The following KCNQ5 variants were observed in gnomAD, a reference collection of about 807,000 sequenced individuals.
The protein encoded by KCNQ5 is potassium voltage-gated channel subfamily KQT member 5.
KCNQ5 carries 30 observed loss-of-function variants against 98.2 expected under a neutral mutation model. That is an observed-to-expected ratio of 0.31 (90% CI 0.23 to 0.41). The LOEUF is 0.41. KCNQ5 is among the 10% of genes least tolerant of loss of function. The pLI is 1.00. For missense variants in KCNQ5, 835 were observed against 1,182.5 expected (o/e 0.71, Z 4.31); for synonymous variants, 458 against 449.4 (o/e 1.02, Z -0.24).
chr6:73,160,241 C>A (rs1451287252), intron 10 of KCNQ5, among the ~76,000 whole-genome samples: 1 of 152,012 alleles, frequency 6.6e-6, no homozygotes, highest in Non-Finnish European at 1.5e-5. Context: ...TGGTCTCGAT[C>A]TCCTGACGTC....
intron 1 of KCNQ5, among the ~76,000 whole-genome samples, chr6:72,964,772 T>C (rs1052327051): frequency 1.3e-5 from 2 of 152,180 alleles, no homozygotes; most frequent in African/African-American, 4.8e-5. Flanking sequence ...TATGGCACCT[T>C]TGTGGCCCTT....
chr6:72,898,971 C>T (rs1432124962), intron 1 of KCNQ5, among the ~76,000 whole-genome samples: 2 of 152,120 alleles, frequency 1.3e-5, no homozygotes, highest in Non-Finnish European at 2.9e-5. Flanking sequence ...GCATAAATGC[C>T]TTCTTTTGAG....
chr6:72,829,248 C>T (rs1272765862), intron 1 of KCNQ5, among the ~76,000 whole-genome samples: 1 of 152,100 alleles, frequency 6.6e-6, no homozygotes, highest in African/African-American at 2.4e-5. Flanking sequence ...GTGCTCATTT[C>T]TGTATGTTCT....
chr6:72,839,846 C>T (rs546275567), intron 1 of KCNQ5, among the ~76,000 whole-genome samples: 39 of 152,226 alleles, frequency 2.6e-4, no homozygotes, highest in African/African-American at 9.2e-4. Flanking sequence ...TATAATACAA[C>T]ACATTATTAG....
chr6:73,182,546 A>T (rs1778439123), intron 11 of KCNQ5, among the ~76,000 whole-genome samples: 1 of 152,190 alleles, frequency 6.6e-6, no homozygotes, highest in Non-Finnish European at 1.5e-5. Flanking sequence ...TCCTGTAGTT[A>T]AAGCCCTTAG....
intron 11 of KCNQ5, among the ~76,000 whole-genome samples, chr6:73,177,325 G>A (rs1490426420): frequency 1.3e-5 from 2 of 152,190 alleles, no homozygotes; most frequent in Non-Finnish European, 2.9e-5. Context: ...AACTAGCAAA[G>A]GCTCATCAAC....
chr6:73,173,055 T>C (rs184001412), intron 11 of KCNQ5, among the ~76,000 whole-genome samples: 17 of 152,338 alleles, frequency 1.1e-4, no homozygotes, highest in Non-Finnish European at 2.2e-4. Flanking sequence ...TGACACTTTT[T>C]AAAAAATAAA....
intron 1 of KCNQ5, among the ~76,000 whole-genome samples, chr6:72,731,110 C>A (rs187841018): frequency 6.6e-6 from 1 of 152,290 alleles, no homozygotes; most frequent in East Asian, 1.9e-4. Context: ...CCTGGCTCTA[C>A]CTCCAAATTC....
At chr6:72,998,511 G>A (rs138345261) in intron 1 of KCNQ5, among the ~76,000 whole-genome samples, 1,886 of 152,060 alleles carry the variant, frequency 0.012, 16 homozygotes, top group Non-Finnish European at 0.021. Context: ...CGATGCGGGC[G>A]GATTATGAGG....
intron 1 of KCNQ5, among the ~76,000 whole-genome samples, chr6:72,700,772 A>T (rs1479925325): frequency 2.0e-5 from 3 of 152,206 alleles, no homozygotes; most frequent in Non-Finnish European, 4.4e-5. Flanking sequence ...TAGCACCGGC[A>T]CATTCCCAGC....
intron 3 of KCNQ5, among the ~76,000 whole-genome samples, chr6:73,068,054 G>A (rs2066369): frequency 0.97 from 147,683 of 152,190 alleles, 71,797 homozygotes; most frequent in Middle Eastern, 1. Flanking sequence ...CCAGCACTTT[G>A]GGAGGCCAAG....
intron 10 of KCNQ5, among the ~76,000 whole-genome samples, chr6:73,163,583 C>A (rs1777691377): frequency 6.6e-6 from 1 of 152,038 alleles, no homozygotes; most frequent in African/African-American, 2.4e-5. Flanking sequence ...CCCGTCTCTA[C>A]TAAAAATACA....
intron 13 of KCNQ5, among the ~76,000 whole-genome samples, chr6:73,193,286 C>T (rs1765664533): frequency 6.6e-6 from 1 of 151,546 alleles, no homozygotes; most frequent in Admixed American, 6.6e-5. Context: ...TCCCAAAGTG[C>T]TGAGATTACA....
At chr6:72,785,546 A>G (rs988747301) in intron 1 of KCNQ5, among the ~76,000 whole-genome samples, 1 of 152,048 alleles carries the variant, frequency 6.6e-6, no homozygotes, top group Non-Finnish European at 1.5e-5. Flanking sequence ...GATACTCGGG[A>G]GGCTGAGTCA....
chr6:72,974,916 T>C (rs924393112), intron 1 of KCNQ5, among the ~76,000 whole-genome samples: 1 of 152,088 alleles, frequency 6.6e-6, no homozygotes, highest in African/African-American at 2.4e-5. Flanking sequence ...TTTTGTATTT[T>C]AGTAGAGACA....
chr6:72,836,479 C>A (rs1169863035), intron 1 of KCNQ5, among the ~76,000 whole-genome samples: 13 of 152,076 alleles, frequency 8.5e-5, no homozygotes, highest in African/African-American at 3.1e-4. Context: ...ACTCAATCAC[C>A]CAGGCTCATC....
At chr6:72,902,320 G>T (rs1382298976) in intron 1 of KCNQ5, among the ~76,000 whole-genome samples, 1 of 152,122 alleles carries the variant, frequency 6.6e-6, no homozygotes, top group African/African-American at 2.4e-5. Flanking sequence ...TTAATGATTT[G>T]GATGTTCTTT....
intron 1 of KCNQ5, among the ~76,000 whole-genome samples, chr6:72,852,715 A>C (rs1262365786): frequency 1.7e-5 from 1 of 57,994 alleles, no homozygotes; most frequent in Admixed American, 1.3e-4. Context: ...TTACCTCAAT[A>C]AAAAAAAGAT....
intron 3 of KCNQ5, among the ~76,000 whole-genome samples, chr6:73,053,500 C>T (rs1467261268): frequency 6.6e-6 from 1 of 151,996 alleles, no homozygotes; most frequent in Non-Finnish European, 1.5e-5. Flanking sequence ...AGCCATAAAA[C>T]AATCCTTAGC....
Sources: allele counts gnomAD v4.1 joint callset (sites outside exome capture counted in the v4.1 genomes callset), GRCh38; gene constraint gnomAD v4.1.1; transcripts MANE v1.5; gene names NCBI Gene and HGNC (gene_info 2026-07-23, HGNC 2026-07-21).